Variants in CERKL observed in about 807,000 individuals in gnomAD.
CERKL encodes ceramide kinase-like protein.
Under a neutral mutation model 63.4 loss-of-function variants are expected in CERKL, and 61 were observed. The observed-to-expected ratio is 0.96, with a 90% CI of 0.78 to 1.19. CERKL has a LOEUF of 1.19. Among genes scored for constraint, CERKL ranks in the 50% most tolerant of loss-of-function variants. The pLI is 0.00. For synonymous variants in CERKL, 250 were observed against 230.5 expected (o/e 1.08, Z -0.77); for missense variants, 675 against 655.5 (o/e 1.03, Z -0.33).
rs1429613368 is a variant in CERKL, at chr2:181,537,354, G to A, written c.*830C>T. On this transcript the variant is annotated 3_prime_UTR_variant, in exon 13 of 13. Transcript: ENST00000410087. ...ATGGTTGTCCAACACAGGCCTCTCAGATACAAGGGGAACACAATTACATAT... is the reference window on the plus strand; with the variant it reads ...ATGGTTGTCCAACACAGGCCTCTCAAATACAAGGGGAACACAATTACATAT... 2.2e-6 allele frequency: 1 copy of A among 453,760 alleles called. No homozygotes were observed. The highest frequency in any genetic ancestry group is 4.4e-6 in the Non-Finnish European group (1 of 226,684). The allele number at this position is 453,760 out of a possible 1,614,324, so 28.1% of individuals were successfully genotyped here. A position where few individuals can be genotyped will look rare whatever the true frequency, so the allele number is the denominator to read the frequency against.
chr2:181,634,318 T>A (rs1428764960), intron 1 of CERKL, among the ~76,000 whole-genome samples: 1 of 152,072 alleles, frequency 6.6e-6, no homozygotes, highest in Admixed American at 6.6e-5. Context: ...CATAAGCATA[T>A]GTTAAAGAAA....
At chr2:181,641,302 C>CATATATAT (rs1174454591) in intron 1 of CERKL, among the ~76,000 whole-genome samples, 15 of 97,082 alleles carry the variant, frequency 1.5e-4, no homozygotes, top group African/African-American at 3.5e-4. Context: ...TATGTGTATG[C>CATATATAT]ATATATATAT....
chr2:181,656,306 T>G (rs890973675), intron 1 of CERKL, among the ~76,000 whole-genome samples: 1 of 152,152 alleles, frequency 6.6e-6, no homozygotes, highest in African/African-American at 2.4e-5. Context: ...AAAATGAGAG[T>G]TGGATTCAGA....
chr2:181,599,526 G>C (rs1415540399), intron 2 of CERKL, among the ~76,000 whole-genome samples: 1 of 134,826 alleles, frequency 7.4e-6, no homozygotes, highest in African/African-American at 2.6e-5. Flanking sequence ...AACAGAGTGA[G>C]ACTCCATCTC....
chr2:181,599,036 A>C (rs1441424716), intron 2 of CERKL, among the ~76,000 whole-genome samples: 1 of 152,224 alleles, frequency 6.6e-6, no homozygotes, highest in African/African-American at 2.4e-5. Context: ...AATGGATCCT[A>C]ACCAAGTTGA....
chr2:181,611,973 C>T (rs1418721025), intron 1 of CERKL, among the ~76,000 whole-genome samples: 1 of 152,168 alleles, frequency 6.6e-6, no homozygotes, highest in Non-Finnish European at 1.5e-5. Flanking sequence ...TTTCCATTCT[C>T]TAAAAAATAA....
chr2:181,560,716 T>C (rs1688402483), intron 4 of CERKL, among the ~76,000 whole-genome samples: 1 of 152,142 alleles, frequency 6.6e-6, no homozygotes, highest in African/African-American at 2.4e-5. Flanking sequence ...ATAAGACATT[T>C]TGGTCTTAGA....
intron 1 of CERKL, among the ~76,000 whole-genome samples, chr2:181,618,407 T>C (rs1247406353): frequency 6.6e-6 from 1 of 151,740 alleles, no homozygotes; most frequent in African/African-American, 2.4e-5. Context: ...CTTACTGTTA[T>C]TTTTATTTTT....
rs188028014 is a variant in CERKL at position 181,652,950 on chromosome 2, T to G, written c.238+3819A>C. On this transcript the variant is annotated intron_variant, in intron 1 of 12. Coordinates refer to ENST00000410087, the MANE Select transcript of CERKL (RefSeq NM_201548.5). Reference sequence around the variant, plus strand: ...CCACCACACCCGGCTAATTTTTGTATTTTTAGTACAGACGGGGTTTCATCA... The same window carrying G: ...CCACCACACCCGGCTAATTTTTGTAGTTTTAGTACAGACGGGGTTTCATCA... Among the ~76,000 whole-genome samples, 151 of 152,300 alleles carry G rather than the reference T, an allele frequency of 9.9e-4. 1 individual carries two copies. Among genetic ancestry groups the G allele is most frequent in the African/African-American group, 3.2e-3 (132 of 41,564 alleles).
intron 2 of CERKL, among the ~76,000 whole-genome samples, chr2:181,601,554 T>C (rs1222604009): frequency 3.9e-5 from 6 of 152,100 alleles, no homozygotes; most frequent in Non-Finnish European, 7.4e-5. Flanking sequence ...AGAGTGAGAC[T>C]CCATTTAAAA....
At position 181,537,239 on chromosome 2, in the gene CERKL, G is replaced by A; in HGVS notation, c.*945C>T. On this transcript the variant is annotated 3_prime_UTR_variant, in exon 13 of 13. Coordinates refer to ENST00000410087, the MANE Select transcript of CERKL (RefSeq NM_201548.5). ...CTGTCTTCTCCAGGATGGTCTCTAA[G>A]GAAATTTACATTTGGTTCTTTCCTA... 2.2e-6 allele frequency: 1 copy of A among 453,798 alleles called. No individual in the cohort carries two copies. 28.1% of individuals were successfully genotyped at this position (453,798 alleles called of 1,614,324 possible). A position where few individuals can be genotyped will look rare whatever the true frequency, so the allele number is the denominator to read the frequency against.
chr2:181,582,648 G>A (rs1040789273), intron 2 of CERKL, among the ~76,000 whole-genome samples: 9 of 151,168 alleles, frequency 6.0e-5, no homozygotes, highest in Non-Finnish European at 1.2e-4. Flanking sequence ...TGATTCTCCC[G>A]CCTCAGCCTC....
intron 2 of CERKL, among the ~76,000 whole-genome samples, chr2:181,577,001 C>A (rs61649289): frequency 0.38 from 57,075 of 151,960 alleles, 11,199 homozygotes; most frequent in African/African-American, 0.48. Context: ...AATTACCTGA[C>A]GTGCTTCTTA....
At chr2:181,611,596 G>T (rs1169067033) in intron 1 of CERKL, among the ~76,000 whole-genome samples, 1 of 151,882 alleles carries the variant, frequency 6.6e-6, no homozygotes, top group African/African-American at 2.4e-5. Context: ...GAGGTAGGAG[G>T]ATTCCTTTAG....
intron 1 of CERKL, among the ~76,000 whole-genome samples, chr2:181,616,094 T>G (rs1339879321): frequency 6.6e-6 from 1 of 152,154 alleles, no homozygotes; most frequent in Non-Finnish European, 1.5e-5. Flanking sequence ...ATTTAGTTGT[T>G]TCTATCATGT....
At chr2:181,575,344 C>T (rs1463389222) in intron 2 of CERKL, among the ~76,000 whole-genome samples, 2 of 152,208 alleles carry the variant, frequency 1.3e-5, no homozygotes, top group East Asian at 3.8e-4. Flanking sequence ...TCCTCTGTTA[C>T]ACGCGTTAAA....
chr2:181,548,720 G>T lies in CERKL; in HGVS notation c.1033C>A (p.Arg345=). Residue 345 remains arginine, a synonymous_variant, in exon 7 of 13, where the codon CGG becomes AGG. Coordinates refer to ENST00000410087, the MANE Select transcript of CERKL (RefSeq NM_201548.5). ...GCCTTAACAACAGCAAAATCTCTCC[G>T]TTGGTTAGGGGACATCCATCGATAT... ...EKYRWMSPNQ[R]RDFAVVKALA... The T allele has an allele frequency of 1.2e-6, 2 of 1,614,006 alleles. No individual in the cohort carries two copies. Among genetic ancestry groups the T allele is most frequent in the South Asian group, 1.1e-5 (1 of 91,084 alleles).
rs1686690829 is a variant in CERKL, at chr2:181,626,071, T to C, written c.239-21992A>G. On this transcript the variant is annotated intron_variant, in intron 1 of 12. Coordinates refer to ENST00000410087, the MANE Select transcript of CERKL (RefSeq NM_201548.5). Reference sequence around the variant, plus strand: ...CAGATAAGCTTAGAGTTTAAATAGCTTGCCCCAGTCTCAAGAGTGGCAAAT... The same window carrying C: ...CAGATAAGCTTAGAGTTTAAATAGCCTGCCCCAGTCTCAAGAGTGGCAAAT... 2.0e-5 allele frequency among the ~76,000 whole-genome samples: 3 copies of C among 152,116 alleles called. No individual in the cohort carries two copies. The South Asian group carries it at 6.2e-4, about 32-fold the overall frequency.
Position 181,538,373 on chromosome 2 carries a change from ATCTAGAAAACTGAGAAGGTCT to A in CERKL, c.1539-150_1539-130del, listed in dbSNP as rs2105784906. On this transcript the variant is annotated intron_variant, in intron 12 of 12. Coordinates refer to ENST00000410087, the MANE Select transcript of CERKL (RefSeq NM_201548.5). Reference sequence around the variant, plus strand: ...ACACAGCATTCCCAACAGAGCTGTAATCTAGAAAACTGAGAAGGTCTGATTGATAAATCATCAACAACAATA... The same window carrying A: ...ACACAGCATTCCCAACAGAGCTGTAAGATTGATAAATCATCAACAACAATA... 4.8e-6 allele frequency: 3 copies of A among 626,754 alleles called. No individual in the cohort carries two copies. In the East Asian group the frequency reaches 8.1e-5, roughly 17 times the overall value. The allele number at this position is 626,754 out of a possible 1,614,324, so 38.8% of individuals were successfully genotyped here. A position where few individuals can be genotyped will look rare whatever the true frequency, so the allele number is the denominator to read the frequency against.
Sources: allele counts gnomAD v4.1 joint callset (sites outside exome capture counted in the v4.1 genomes callset), GRCh38; gene constraint gnomAD v4.1.1; transcripts MANE v1.5; gene names NCBI Gene and HGNC (gene_info 2026-07-23, HGNC 2026-07-21).